Variants in UBAP1L observed in about 807,000 individuals in gnomAD.
UBAP1L encodes the protein ubiquitin associated protein 1 like.
UBAP1L carries 32 observed loss-of-function variants against 32.1 expected under a neutral mutation model. The ratio of observed to expected loss-of-function variants is 1.00; its 90% confidence interval spans 0.75 to 1.34. The LOEUF (loss-of-function observed/expected upper bound fraction) is 1.34, where lower values mean the gene tolerates loss of function less well. UBAP1L is among the 40% of genes most tolerant of loss of function. The pLI is 0.00. For synonymous variants in UBAP1L, 243 were observed against 250.2 expected (o/e 0.97, Z 0.27); for missense variants, 516 against 540.5 (o/e 0.95, Z 0.45).
chr15:65,093,357 G>A (rs2087139639), intron 5 of UBAP1L, 126 bp from the exon 6 acceptor site: 2 of 1,237,014 alleles, frequency 1.6e-6, no homozygotes, highest in South Asian at 3.4e-5. Flanking sequence ...CAGGCCACGT[G>A]AGCCTGATCC....
chr15:65,103,902 C>T (rs1397145416), intron 2 of UBAP1L, among the ~76,000 whole-genome samples: 2 of 151,950 alleles, frequency 1.3e-5, no homozygotes, highest in Admixed American at 6.6e-5. Flanking sequence ...ATACCAAGAC[C>T]CAATAAAATG....
chr15:65,102,045 C>T lies in UBAP1L; in HGVS notation c.699+61G>A, dbSNP rs1020481812. 1 of 797,980 alleles carries T rather than the reference C, an allele frequency of 1.3e-6. No individual in the cohort carries two copies. Among genetic ancestry groups the T allele is most frequent in the Non-Finnish European group, 1.7e-6 (1 of 600,480 alleles). 49.4% of individuals were successfully genotyped at this position (797,980 alleles called of 1,614,324 possible). A position where few individuals can be genotyped will look rare whatever the true frequency, so the allele number is the denominator to read the frequency against. On this transcript the variant is annotated intron_variant, in intron 3 of 5. Transcript: ENST00000559089. This position sits in a 1 kb window ranked among gnomAD's most constrained non-coding sequence, Gnocchi z 5.0. ...CCGAGGCTGCGGGCTGGGCTGGACA[C>T]CCAGATTATGGGGCCTGGGCTGCTG... is the stretch of plus-strand genomic sequence containing the variant.
chr15:65,112,961 T>G (rs1383896714), intron 1 of UBAP1L, among the ~76,000 whole-genome samples: 1 of 152,230 alleles, frequency 6.6e-6, no homozygotes, highest in Non-Finnish European at 1.5e-5. Context: ...TCCATGGGAA[T>G]CCAAGCCCCC....
At chr15:65,111,304 A>G (rs986271976) in intron 1 of UBAP1L, among the ~76,000 whole-genome samples, 22 of 152,168 alleles carry the variant, frequency 1.4e-4, no homozygotes, top group Non-Finnish European at 2.8e-4. Context: ...ATTTTCAGGT[A>G]TCATCTGAAT....
chr15:65,104,823 T>C (rs1341788100), intron 2 of UBAP1L: 2 of 285,914 alleles, frequency 7.0e-6, no homozygotes, highest in South Asian at 2.6e-5. Flanking sequence ...CTGGCCAACA[T>C]AGTGAAACCC....
intron 4 of UBAP1L, chr15:65,098,996 G>C (rs1416127165): frequency 2.0e-5 from 3 of 152,652 alleles, no homozygotes; most frequent in Non-Finnish European, 4.4e-5. Flanking sequence ...TTACATTCTT[G>C]GCTTGTATCA....
chr15:65,107,209 C>A (rs2087323648), intron 1 of UBAP1L, among the ~76,000 whole-genome samples: 1 of 151,310 alleles, frequency 6.6e-6, no homozygotes, highest in African/African-American at 2.4e-5. Context: ...ATACCCATAC[C>A]CTTTCAGCAA....
In UBAP1L at chr15:65,102,604, G is replaced by A. The variant is rs1428181195; in HGVS notation, c.201C>T (p.Asp67=). 5 of 1,549,238 alleles carry A rather than the reference G, an allele frequency of 3.2e-6. No individual in the cohort carries two copies. In the South Asian group the frequency reaches 5.9e-5, roughly 18 times the overall value. Residue 67 remains aspartate, a synonymous_variant, in exon 3 of 6, where the codon GAC becomes GAT. Coordinates refer to ENST00000559089, the MANE Select transcript of UBAP1L (RefSeq NM_001163692.2). The surrounding 1 kb of genome is among the most constrained non-coding windows in gnomAD (Gnocchi z 5.0). ...GQGPSPYQCG[D]PGTASAPPAW... is the part of the protein sequence containing the mutation. ...CTGGAGGGGCTGACGCTGTCCCCGG[G>A]TCACCGCACTGGTACGGGCTGGGTC...
At position 65,099,664 on chromosome 15, in the gene UBAP1L, A is replaced by C; in HGVS notation, c.750T>G (p.Pro250=). ...CLPPLGGAPQ[P]LNPHKSHPDT... is the part of the protein sequence containing the mutation. ...CAGGGTGTGACTTGTGGGGGTTGAG[A>C]GGTTGGGGTGCCCCCCCAAGAGGTG... Residue 250 remains proline (P), a synonymous_variant, in exon 4 of 6, where the codon CCT becomes CCG. Coordinates refer to ENST00000559089, the MANE Select transcript of UBAP1L (RefSeq NM_001163692.2). The C allele has an allele frequency of 6.4e-7, 1 of 1,551,362 alleles. No homozygotes were observed. Among genetic ancestry groups the C allele is most frequent in the Non-Finnish European group, 8.7e-7 (1 of 1,146,856 alleles).
intron 3 of UBAP1L, 136 bp downstream of exon 3, chr15:65,101,970 C>A: frequency 2.8e-6 from 1 of 353,190 alleles, no homozygotes; most frequent in Non-Finnish European, 5.0e-6. Context: ...CGGTACAGGC[C>A]CAGGTGGGAG....
rs114087445 is a variant in UBAP1L, at chr15:65,099,066, T to A, written c.909+439A>T. 2.7e-3 allele frequency: 429 copies of A among 156,468 alleles called. 1 individual carries two copies. The highest frequency in any genetic ancestry group is 9.8e-3 in the African/African-American group (408 of 41,640). 9.7% of individuals were successfully genotyped at this position (156,468 alleles called of 1,614,324 possible). A position where few individuals can be genotyped will look rare whatever the true frequency, so the allele number is the denominator to read the frequency against. On this transcript the variant is annotated intron_variant, in intron 4 of 5. Coordinates refer to ENST00000559089, the MANE Select transcript of UBAP1L (RefSeq NM_001163692.2). ...TCAGAGTGCTGTCCTTGGAGTGTCA[T>A]CATGAGTCTCCGCCATACTTCCAAT...
intron 1 of UBAP1L, among the ~76,000 whole-genome samples, chr15:65,110,556 G>A (rs571014677): frequency 1.3e-5 from 2 of 150,472 alleles, no homozygotes; most frequent in African/African-American, 2.4e-5. Context: ...ATGGTGGCAC[G>A]CGCCTGTAGT....
At chr15:65,098,537 C>A (rs1250916260) in intron 4 of UBAP1L, 1 of 152,136 alleles carries the variant, frequency 6.6e-6, no homozygotes, top group Admixed American at 6.5e-5. Flanking sequence ...CAACAACATG[C>A]TTTGACCAAT....
rs1334595222 is a variant in UBAP1L at position 65,094,805 on chromosome 15, G to A, written c.910-229C>T. On this transcript the variant is annotated intron_variant, in intron 4 of 5. Coordinates refer to ENST00000559089, the MANE Select transcript of UBAP1L (RefSeq NM_001163692.2). The surrounding 1 kb of genome is among the most constrained non-coding windows in gnomAD (Gnocchi z 4.2). ...GGTCTTCACCAACTATGCCAAGCTGGGGGCTGGACTCCAGGAAAAGGGCTG... is the reference window on the plus strand; with the variant it reads ...GGTCTTCACCAACTATGCCAAGCTGAGGGCTGGACTCCAGGAAAAGGGCTG... The A allele has an allele frequency of 3.5e-6, 2 of 569,250 alleles. No individual in the cohort carries two copies. Among genetic ancestry groups the A allele is most frequent in the African/African-American group, 3.8e-5 (2 of 53,182 alleles). 35.3% of individuals were successfully genotyped at this position (569,250 alleles called of 1,614,324 possible).
chr15:65,099,482 C>T (rs1167494044), intron 4 of UBAP1L, 23 bp downstream of exon 4: 1 of 1,546,722 alleles, frequency 6.5e-7, no homozygotes, highest in Non-Finnish European at 8.7e-7. Context: ...CACAGCTCAT[C>T]AGCTCTGGGT....
At chr15:65,112,948 GC>G (rs1430234736) in intron 1 of UBAP1L, among the ~76,000 whole-genome samples, 1 of 152,114 alleles carries the variant, frequency 6.6e-6, no homozygotes, top group Non-Finnish European at 1.5e-5. Flanking sequence ...TAACTCCACT[GC>G]TTCCATGGGA....
At chr15:65,093,767 G>A (rs2087143682) in intron 5 of UBAP1L, among the ~76,000 whole-genome samples, 1 of 152,226 alleles carries the variant, frequency 6.6e-6, no homozygotes, top group Non-Finnish European at 1.5e-5. Context: ...ACTGGGGCCG[G>A]GTGCGGTGGC....
intron 1 of UBAP1L, among the ~76,000 whole-genome samples, chr15:65,112,178 C>T (rs1477909102): frequency 1.3e-5 from 2 of 152,154 alleles, no homozygotes; most frequent in African/African-American, 4.8e-5. Context: ...GGTGAAAGAA[C>T]AGCCTGTGAG....
intron 5 of UBAP1L, among the ~76,000 whole-genome samples, chr15:65,093,524 G>C (rs1256006675): frequency 1.3e-5 from 2 of 152,224 alleles, no homozygotes; most frequent in Non-Finnish European, 2.9e-5. Context: ...TGGGGCAGGA[G>C]GGGGGCAGAC....
Sources: gnomAD v4.1 joint callset for allele counts (sites outside exome capture counted in the v4.1 genomes callset) on GRCh38, gnomAD v4.1.1 for gene constraint, Gnocchi (gnomAD v3.1) non-coding constraint, MANE v1.5 for transcripts, NCBI Gene and HGNC (gene_info 2026-07-23, HGNC 2026-07-21) for gene names.